Variants in WDR46 observed in about 807,000 individuals in gnomAD.
WDR46 encodes the protein WD repeat domain 46.
Under a neutral mutation model 74.7 loss-of-function variants are expected in WDR46, and 58 were observed. The ratio of observed to expected loss-of-function variants is 0.78; its 90% CI spans 0.63 to 0.97. The LOEUF is 0.97. WDR46 is among the 50% of genes least tolerant of loss of function. The pLI, the probability that WDR46 is intolerant of heterozygous loss-of-function variation, is 0.00. For missense variants in WDR46, 702 were observed against 790.1 expected (o/e 0.89, Z 1.34); for synonymous variants, 278 against 297.3 (o/e 0.93, Z 0.67).
Position 33,287,640 on chromosome 6 carries a change from G to T in WDR46, c.702C>A (p.Asn234Lys). The T allele has an allele frequency of 6.2e-7, 1 of 1,613,874 alleles. No individual in the cohort carries two copies. The highest frequency in any genetic ancestry group is 8.5e-7 in the Non-Finnish European group (1 of 1,180,006). Residue 234 changes from asparagine (N) to lysine (K), a missense_variant, in exon 7 of 15, where the codon AAC becomes AAA. By Grantham distance (94) the Asn-to-Lys change is moderately conservative. Coordinates refer to ENST00000374617, the MANE Select transcript of WDR46 (RefSeq NM_005452.6). Reference protein sequence around the residue: ...WVTKKLMCEINVMEAVRDIRF... With the variant: ...WVTKKLMCEIKVMEAVRDIRF... ...GGATGTCCCGCACCGCCTCCATGAC[G>T]TTGATCTCGCACATAAGCTTCTTTG...
Position 33,279,429 on chromosome 6 carries a change from C to CA in WDR46, c.1735-56dup. 2.5e-6 allele frequency: 4 copies of CA among 1,611,088 alleles called. No homozygotes were observed. In the Admixed American group the frequency reaches 6.7e-5, roughly 27 times the overall value. On this transcript the variant is annotated intron_variant, in intron 14 of 14. Transcript: ENST00000374617. ...CACAGAGTGAGAAGTGGCAGGCTGA[C>CA]AAGGGCAGAGGCACAAGCAGGAGGG...
Position 33,280,962 on chromosome 6 carries a change from G to A in WDR46, c.1141C>T (p.His381Tyr), listed in dbSNP as rs1766129645. 6.2e-7 allele frequency: 1 copy of A among 1,611,566 alleles called. No individual in the cohort carries two copies. Among genetic ancestry groups the A allele is most frequent in the South Asian group, 1.1e-5 (1 of 90,866 alleles). The change falls in exon 11 of 15, where the codon CAC becomes TAC. Residue 381 changes from histidine to tyrosine, a missense_variant. Physicochemically the swap from His to Tyr is moderately conservative, Grantham distance 83. Coordinates refer to ENST00000374617, the MANE Select transcript of WDR46 (RefSeq NM_005452.6). ...GTYMATSGLD[H>Y]QLKIFDLRGT... ...CGCAAGTCAAAGATCTTCAGCTGGTGGTCTAGGCCAGAGGTGGCCATGTAC... is the reference window on the plus strand; with the variant it reads ...CGCAAGTCAAAGATCTTCAGCTGGTAGTCTAGGCCAGAGGTGGCCATGTAC...
Position 33,288,346 on chromosome 6 carries a change from G to C in WDR46, c.473+12C>G. On this transcript the variant is annotated intron_variant, in intron 4 of 14. Transcript: ENST00000374617. Reference sequence around the variant, plus strand: ...AGGCAGGGAATGGGGGTCCAGATTAGGGCTCACTCACCCAGGTTCTTCAGC... The same window carrying C: ...AGGCAGGGAATGGGGGTCCAGATTACGGCTCACTCACCCAGGTTCTTCAGC... 1 of 1,614,012 alleles carries C rather than the reference G, an allele frequency of 6.2e-7. No individual in the cohort carries two copies. The highest frequency in any genetic ancestry group is 8.5e-7 in the Non-Finnish European group (1 of 1,179,860).
chr6:33,282,272 G>C (rs960962240), intron 10 of WDR46, among the ~76,000 whole-genome samples: 1 of 152,198 alleles, frequency 6.6e-6, no homozygotes, highest in Non-Finnish European at 1.5e-5. Context: ...CTTGCACAGT[G>C]ATGGAGCCCA....
Position 33,287,970 on chromosome 6 carries a change from A to C in WDR46, c.618T>G (p.Thr206=). ...TCACTAGAATTCAACCTTACCTTCC[A>C]GTTCGAGAGTAGTTTAGTCTGTAGG... ...FGPYRLNYSR[T]GRHLAFGGRR... The change falls in exon 6 of 15, where the codon ACT becomes ACG. Residue 206 remains threonine, a synonymous_variant. Coordinates refer to ENST00000374617, the MANE Select transcript of WDR46 (RefSeq NM_005452.6). The C allele has an allele frequency of 1.9e-6, 3 of 1,614,194 alleles. No homozygotes were observed. The highest frequency in any genetic ancestry group is 2.5e-6 in the Non-Finnish European group (3 of 1,180,036).
chr6:33,279,339 A>T lies in WDR46; in HGVS notation c.1770T>A (p.His590Gln). Residue 590 changes from histidine (H) to glutamine (Q), a missense_variant, in exon 15 of 15, where the codon CAT (histidine) becomes CAA (glutamine). Transcript: ENST00000374617. ...CCGTGGGCTTGGCCTTCGCCTCCTT[A>T]TGATGCTGCTGCTGAAGGCTCTGCC... ...KVRQSLQQQH[H>Q]KEAKAKPTGA... 6.2e-7 allele frequency: 1 copy of T among 1,614,160 alleles called. No homozygotes were observed. Among genetic ancestry groups the T allele is most frequent in the Non-Finnish European group, 8.5e-7 (1 of 1,180,020 alleles).
Position 33,279,517 on chromosome 6 carries a change from C to CCTTCCT in WDR46, c.1708_1713dup (p.Arg570_Lys571dup), listed in dbSNP as rs771272255. The CCTTCCT allele has an allele frequency of 1.9e-6, 3 of 1,613,730 alleles. No individual in the cohort carries two copies. Among genetic ancestry groups the CCTTCCT allele is most frequent in the Non-Finnish European group, 2.5e-6 (3 of 1,180,044 alleles). ...TTTACCCTGTGTTCCTCATCCATGA[C>CCTTCCT]CTTCCTCTTCCTCTTCACCAGGCTT... On this transcript the variant is annotated inframe_insertion, in exon 14 of 15. Coordinates refer to ENST00000374617, the MANE Select transcript of WDR46 (RefSeq NM_005452.6).
At chr6:33,287,838 G>A (rs1766815020) in intron 6 of WDR46, 120 bp from the exon 7 acceptor site, 9 of 1,499,992 alleles carry the variant, frequency 6.0e-6, no homozygotes, top group Non-Finnish European at 8.3e-6. Flanking sequence ...TGCTGTAGGT[G>A]CTTACCCTCA....
chr6:33,286,571 T>A (rs1766655735), intron 10 of WDR46, among the ~76,000 whole-genome samples: 1 of 152,338 alleles, frequency 6.6e-6, no homozygotes, highest in South Asian at 2.1e-4. Flanking sequence ...AGAAAAAGTT[T>A]GTGGACCCTT....
Position 33,289,021 on chromosome 6 carries a change from C to A in WDR46, c.70-8G>T. ...CCAGTATCGCCGCGGTTTCTACAGG[C>A]ACATCAGGAACTCCGCACTCACGCC... On this transcript the variant is annotated splice_polypyrimidine_tract_variant and splice_region_variant and intron_variant, in intron 1 of 14. Coordinates refer to ENST00000374617, the MANE Select transcript of WDR46 (RefSeq NM_005452.6). 2 of 1,613,980 alleles carry A rather than the reference C, an allele frequency of 1.2e-6. No homozygotes were observed. The highest frequency in any genetic ancestry group is 1.7e-6 in the Non-Finnish European group (2 of 1,179,938).
At chr6:33,287,869 C>T in intron 6 of WDR46, 96 bp downstream of exon 6, 1 of 1,537,942 alleles carries the variant, frequency 6.5e-7, no homozygotes, top group Non-Finnish European at 9.0e-7. Context: ...AATCGAAGGA[C>T]CCTCCCCTCA....
In WDR46 at chr6:33,288,699, G is replaced by T; in HGVS notation, c.280-5C>A. 1 of 1,613,330 alleles carries T rather than the reference G, an allele frequency of 6.2e-7. No individual in the cohort carries two copies. Among genetic ancestry groups the T allele is most frequent in the Non-Finnish European group, 8.5e-7 (1 of 1,179,560 alleles). ...GCCTGGGAATGGATCTTGGGTCTAG[G>T]GGAAAGGAGGACGCAATTAGCAGAC... is the stretch of plus-strand genomic sequence containing the variant. On this transcript the variant is annotated splice_region_variant and splice_polypyrimidine_tract_variant and intron_variant, in intron 2 of 14. Transcript: ENST00000374617.
rs1282199886 is a variant in WDR46, at chr6:33,288,638, G to A, written c.336C>T (p.Phe112=). 2 of 1,612,984 alleles carry A rather than the reference G, an allele frequency of 1.2e-6. No individual in the cohort carries two copies. The highest frequency in any genetic ancestry group is 1.7e-5 in the Admixed American group (1 of 59,860). The change falls in exon 3 of 15, where the codon TTC becomes TTT. Residue 112 remains phenylalanine (F), a synonymous_variant. Coordinates refer to ENST00000374617, the MANE Select transcript of WDR46 (RefSeq NM_005452.6). The part of the protein sequence containing the change: ...APVPVEVVQK[F]CRIDKSRKLP... Reference sequence around the variant, plus strand: ...CCTTTCGGGATTTGTCAATGCGACAGAACTTCTGGACCACTTCCACAGGGA... The same window carrying A: ...CCTTTCGGGATTTGTCAATGCGACAAAACTTCTGGACCACTTCCACAGGGA...
chr6:33,286,943 G>T (rs761809733), intron 9 of WDR46, 49 bp from the exon 10 acceptor site: 1 of 1,601,902 alleles, frequency 6.2e-7, no homozygotes, highest in Non-Finnish European at 8.5e-7. Context: ...TAAGCCTGAG[G>T]TTACTAAACA....
chr6:33,286,344 G>T (rs1766630907), intron 10 of WDR46, among the ~76,000 whole-genome samples: 1 of 152,014 alleles, frequency 6.6e-6, no homozygotes, highest in Non-Finnish European at 1.5e-5. Flanking sequence ...ATACTCGAGA[G>T]GCCAAGGCAG....
chr6:33,286,805 A>T lies in WDR46; in HGVS notation c.1105T>A (p.Ser369Thr), dbSNP rs1439437112. 6.2e-7 allele frequency: 1 copy of T among 1,613,902 alleles called. No individual in the cohort carries two copies. The highest frequency in any genetic ancestry group is 2.2e-5 in the East Asian group (1 of 44,882). ...CCACCAGTGACTTACGTGCCTGTAG[A>T]ATCTACTGCCACAGCCCGGACCCCA... The part of the protein sequence containing the change: ...RGGVRAVAVD[S>T]TGTYMATSGL... Residue 369 changes from serine (S) to threonine (T), a missense_variant, in exon 10 of 15, where the codon TCT becomes ACT. Transcript: ENST00000374617.
intron 2 of WDR46, 24 bp downstream of exon 2, chr6:33,288,780 C>T: frequency 6.2e-7 from 1 of 1,613,666 alleles, no homozygotes; most frequent in Non-Finnish European, 8.5e-7. Flanking sequence ...GCCTGCCTCG[C>T]CACCCATCAG....
At position 33,286,363 on chromosome 6, in the gene WDR46, C is replaced by T. The variant is rs183376641; in HGVS notation, c.1115+432G>A. ...TCGAGAGGCCAAGGCAGGAGAATCACTTGAACCTGAGAGGTGGAGGTTGCA... is the reference window on the plus strand; with the variant it reads ...TCGAGAGGCCAAGGCAGGAGAATCATTTGAACCTGAGAGGTGGAGGTTGCA... On this transcript the variant is annotated intron_variant, in intron 10 of 14. Coordinates refer to ENST00000374617, the MANE Select transcript of WDR46 (RefSeq NM_005452.6). Among the ~76,000 whole-genome samples the T allele has an allele frequency of 3.4e-3, 523 of 152,230 alleles. 5 individuals are homozygous for T. Among genetic ancestry groups the T allele is most frequent in the Non-Finnish European group, 5.5e-3 (376 of 68,016 alleles).
chr6:33,284,434 A>T (rs573492088), intron 10 of WDR46: 47 of 153,894 alleles, frequency 3.1e-4, no homozygotes, highest in African/African-American at 1.1e-3. Flanking sequence ...TCAGACAGAA[A>T]AGCTGTGGAA....
Sources: gnomAD v4.1 joint callset for allele counts (sites outside exome capture counted in the v4.1 genomes callset) on GRCh38, gnomAD v4.1.1 for gene constraint, MANE v1.5 for transcripts, NCBI Gene and HGNC (gene_info 2026-07-23, HGNC 2026-07-21) for gene names.